The following CHLSN variants were observed in gnomAD, a reference collection of about 807,000 sequenced individuals.
The protein encoded by CHLSN is protein cholesin.
At chr7:1,014,735 CTG>C in the CHLSN span, among the ~76,000 whole-genome samples, 1 of 152,290 alleles carries the variant, frequency 6.6e-6, no homozygotes, top group Admixed American at 6.5e-5. Flanking sequence ...TAAGTGATGA[CTG>C]TGAACACCAC....
the CHLSN span, among the ~76,000 whole-genome samples, chr7:1,116,039 T>A: frequency 5.7e-5 from 6 of 105,038 alleles, no homozygotes; most frequent in South Asian, 3.5e-4. Flanking sequence ...TCACTACAGC[T>A]CTACGGACCC....
chr7:992,386 G>A, the CHLSN span, among the ~76,000 whole-genome samples: 1 of 152,220 alleles, frequency 6.6e-6, no homozygotes, highest in South Asian at 2.1e-4. Context: ...CTCGGAGGGT[G>A]AGGCCCCCCC....
chr7:1,041,718 T>A, the CHLSN span, among the ~76,000 whole-genome samples: 1 of 151,500 alleles, frequency 6.6e-6, no homozygotes, highest in South Asian at 2.1e-4. Context: ...CGGCACACAC[T>A]ATCAGACTCA....
chr7:1,004,477 G>A, the CHLSN span, among the ~76,000 whole-genome samples: 1 of 120,652 alleles, frequency 8.3e-6, no homozygotes, highest in African/African-American at 3.6e-5. Flanking sequence ...AGCACTGCTG[G>A]CCCACGGCAC....
At chr7:1,132,211 T>C in the CHLSN span, among the ~76,000 whole-genome samples, 1 of 152,226 alleles carries the variant, frequency 6.6e-6, no homozygotes, top group Non-Finnish European at 1.5e-5. Context: ...TAAATTGGAC[T>C]ACAACAAAAT....
At chr7:1,098,391 T>A in the CHLSN span, among the ~76,000 whole-genome samples, 1 of 152,118 alleles carries the variant, frequency 6.6e-6, no homozygotes, top group Admixed American at 6.5e-5. Flanking sequence ...CATAAGCCAA[T>A]AGACGGAGAA....
chr7:1,131,506 T>G, the CHLSN span, among the ~76,000 whole-genome samples: 1 of 152,322 alleles, frequency 6.6e-6, no homozygotes, highest in South Asian at 2.1e-4. Flanking sequence ...ATATTCCTAT[T>G]GTGGAATCAG....
the CHLSN span, among the ~76,000 whole-genome samples, chr7:1,014,827 T>A: frequency 7.7e-5 from 10 of 129,770 alleles, no homozygotes; most frequent in South Asian, 2.2e-3. Context: ...AGCGTTCCGG[T>A]TGGTGTCACC....
the CHLSN span, among the ~76,000 whole-genome samples, chr7:1,062,537 C>T: frequency 2.6e-5 from 4 of 152,190 alleles, no homozygotes; most frequent in African/African-American, 9.7e-5. Flanking sequence ...ACCTTGGCTG[C>T]TGGCGAAGGA....
the CHLSN span, chr7:988,429 C>G: frequency 6.2e-7 from 1 of 1,612,268 alleles, no homozygotes; most frequent in Non-Finnish European, 8.5e-7. Flanking sequence ...GTCAGCAGCC[C>G]TCGGGGCCGG....
chr7:1,031,940 C>T, the CHLSN span, among the ~76,000 whole-genome samples: 2 of 152,054 alleles, frequency 1.3e-5, no homozygotes, highest in African/African-American at 2.4e-5. Context: ...GCTGCGAGGA[C>T]GTGCCGAGGG....
At chr7:1,086,444 T>C in the CHLSN span, among the ~76,000 whole-genome samples, 9 of 152,146 alleles carry the variant, frequency 5.9e-5, no homozygotes, top group African/African-American at 2.2e-4. Flanking sequence ...CATATTAGAG[T>C]TGTCAACTTT....
the CHLSN span, among the ~76,000 whole-genome samples, chr7:981,336 C>T: frequency 6.6e-6 from 1 of 151,730 alleles, no homozygotes; most frequent in Non-Finnish European, 1.5e-5. Context: ...AAGAGGCCGG[C>T]CCGGCATTGG....
At chr7:1,095,943 C>T in the CHLSN span, among the ~76,000 whole-genome samples, 1 of 152,224 alleles carries the variant, frequency 6.6e-6, no homozygotes, top group Non-Finnish European at 1.5e-5. Context: ...AGTGCAGGGA[C>T]GGCAGCAGCG....
At chr7:1,054,316 A>T in the CHLSN span, among the ~76,000 whole-genome samples, 1 of 152,208 alleles carries the variant, frequency 6.6e-6, no homozygotes, top group Non-Finnish European at 1.5e-5. Flanking sequence ...CTCATCATTG[A>T]TACCTGGTGA....
the CHLSN span, among the ~76,000 whole-genome samples, chr7:994,199 C>T: frequency 1.3e-5 from 2 of 152,148 alleles, no homozygotes; most frequent in Admixed American, 6.5e-5. Flanking sequence ...GCTCTGTCAC[C>T]CAGGCTGGAG....
chr7:1,134,834 A>C, the CHLSN span, among the ~76,000 whole-genome samples: 1 of 151,312 alleles, frequency 6.6e-6, no homozygotes, highest in African/African-American at 2.4e-5. Flanking sequence ...CCGAGATCGC[A>C]CCACTGCACT....
chr7:1,050,019 C>T, the CHLSN span, among the ~76,000 whole-genome samples: 1 of 152,236 alleles, frequency 6.6e-6, no homozygotes, highest in African/African-American at 2.4e-5. Flanking sequence ...CACGGGCCCT[C>T]CCAGGTCTCT....
chr7:1,123,316 G>T, the CHLSN span, among the ~76,000 whole-genome samples: 1 of 152,234 alleles, frequency 6.6e-6, no homozygotes, highest in African/African-American at 2.4e-5. This position sits in a 1 kb window ranked among gnomAD's most constrained non-coding sequence, Gnocchi z 4.4. Flanking sequence ...GAGTGCTCAT[G>T]CTGTGGGAAG....
Sources: allele counts gnomAD v4.1 joint callset (sites outside exome capture counted in the v4.1 genomes callset), GRCh38; gene constraint gnomAD v4.1.1; non-coding constraint Gnocchi (gnomAD v3.1); transcripts MANE v1.5; gene names NCBI Gene and HGNC (gene_info 2026-07-23, HGNC 2026-07-21).